Variants in DLG1 observed in about 807,000 individuals in gnomAD.
The protein encoded by DLG1 is disks large homolog 1.
DLG1 carries 42 observed loss-of-function variants against 123.4 expected under a neutral mutation model. The observed-to-expected ratio is 0.34, with a 90% CI of 0.27 to 0.44. DLG1 has a LOEUF of 0.44. DLG1 is among the 20% of genes least tolerant of loss of function. The pLI is 1.00. For missense variants in DLG1, 942 were observed against 1,082.6 expected, an observed-to-expected ratio of 0.87 and a Z score of 1.82; for synonymous variants, 317 against 356.2, an observed-to-expected ratio of 0.89 and a Z score of 1.24.
At chr3:197,185,570 C>T (rs1205498471) in intron 5 of DLG1, among the ~76,000 whole-genome samples, 2 of 152,038 alleles carry the variant, frequency 1.3e-5, no homozygotes, top group African/African-American at 4.8e-5. Context: ...ACTAAGAATC[C>T]TCTTGTGAAG....
chr3:197,121,823 C>CAG (rs1776544786), intron 11 of DLG1, among the ~76,000 whole-genome samples: 1 of 102,000 alleles, frequency 9.8e-6, no homozygotes, highest in Admixed American at 1.1e-4. Context: ...ACAATCACCA[C>CAG]AAAAAAAAAA....
At chr3:197,244,649 T>C (rs953030699) in intron 4 of DLG1, among the ~76,000 whole-genome samples, 3 of 151,954 alleles carry the variant, frequency 2.0e-5, no homozygotes, top group African/African-American at 7.3e-5. Flanking sequence ...CAATAGCGCA[T>C]GACTTTGAAG....
At chr3:197,218,505 G>C (rs538683231) in intron 4 of DLG1, among the ~76,000 whole-genome samples, 1 of 152,174 alleles carries the variant, frequency 6.6e-6, no homozygotes, top group African/African-American at 2.4e-5. Context: ...CTCTTGGACC[G>C]TAAGTCCAGG....
At position 197,141,919 on chromosome 3, in the gene DLG1, C is replaced by G. The variant is rs900670257; in HGVS notation, c.588+799G>C. ...ACGGAGTTTTGCCATGTTGGCCAGG[C>G]TGGTCTTGAACTTCTGGCCTCAAGT... On this transcript the variant is annotated intron_variant, in intron 7 of 24. Transcript: ENST00000667157. 5.3e-5 allele frequency among the ~76,000 whole-genome samples: 8 copies of G among 152,274 alleles called. 1 individual carries two copies. The highest frequency in any genetic ancestry group is 1.9e-4 in the African/African-American group (8 of 41,576).
At chr3:197,178,759 T>C (rs1561273674) in intron 5 of DLG1, among the ~76,000 whole-genome samples, 2 of 152,156 alleles carry the variant, frequency 1.3e-5, no homozygotes, top group Non-Finnish European at 2.9e-5. Context: ...GAGGGAGTAA[T>C]CAATTGTGTT....
chr3:197,178,215 T>C (rs901206461), intron 5 of DLG1, among the ~76,000 whole-genome samples: 3 of 152,190 alleles, frequency 2.0e-5, no homozygotes, highest in Non-Finnish European at 2.9e-5. Context: ...AGATGTCTAC[T>C]GCTGTAGTTC....
intron 14 of DLG1, among the ~76,000 whole-genome samples, chr3:197,091,372 A>G (rs1189328413): frequency 6.6e-6 from 1 of 151,894 alleles, no homozygotes; most frequent in African/African-American, 2.4e-5. Flanking sequence ...GATTTATTCT[A>G]ATTTTTATAT....
At chr3:197,161,679 G>T (rs1318439263) in intron 5 of DLG1, 2 of 1,575,498 alleles carry the variant, frequency 1.3e-6, no homozygotes, top group Admixed American at 1.9e-5. Flanking sequence ...TCTCAGCAGG[G>T]ACTGGCAGGA....
intron 3 of DLG1, among the ~76,000 whole-genome samples, chr3:197,286,597 T>A (rs1181445678): frequency 3.9e-5 from 6 of 152,108 alleles, no homozygotes; most frequent in Non-Finnish European, 8.8e-5. Flanking sequence ...ACGGCAATAG[T>A]GGATACGTGT....
intron 5 of DLG1, among the ~76,000 whole-genome samples, chr3:197,174,521 A>G (rs1466979853): frequency 1.3e-5 from 2 of 152,190 alleles, no homozygotes; most frequent in African/African-American, 4.8e-5. Flanking sequence ...TTAAAATGAT[A>G]TGATTTTTAT....
intron 1 of DLG1, 34 bp from the exon 2 acceptor site, chr3:197,297,269 G>T (rs778496656): frequency 3.1e-6 from 5 of 1,611,236 alleles, no homozygotes; most frequent in Non-Finnish European, 4.2e-6. Context: ...AAAAAGGATA[G>T]AATCATGTTA....
intron 23 of DLG1, among the ~76,000 whole-genome samples, chr3:197,052,847 CAACTT>C (rs1286235133): frequency 6.6e-6 from 1 of 152,120 alleles, no homozygotes. Flanking sequence ...ATAGGTTAAA[CAACTT>C]AACCAACTGC....
At chr3:197,293,724 C>G (rs370561116) in intron 3 of DLG1, among the ~76,000 whole-genome samples, 1 of 151,970 alleles carries the variant, frequency 6.6e-6, no homozygotes, top group Non-Finnish European at 1.5e-5. Flanking sequence ...TCCAAAGACA[C>G]TTGGCACCCC....
chr3:197,051,478 A>AT, intron 24 of DLG1, 99 bp downstream of exon 24: 1 of 859,564 alleles, frequency 1.2e-6, no homozygotes, highest in South Asian at 1.5e-5. Flanking sequence ...TACTACGGGT[A>AT]GATGTAGGCA....
At chr3:197,178,773 AG>A (rs1393365259) in intron 5 of DLG1, among the ~76,000 whole-genome samples, 3 of 152,216 alleles carry the variant, frequency 2.0e-5, no homozygotes, top group African/African-American at 7.2e-5. Flanking sequence ...TTGTGTTAAC[AG>A]TTGTTGTAGG....
intron 4 of DLG1, among the ~76,000 whole-genome samples, chr3:197,215,401 G>A (rs1044194549): frequency 1.3e-5 from 2 of 152,082 alleles, no homozygotes; most frequent in African/African-American, 4.8e-5. Flanking sequence ...GCAGATTTGA[G>A]ATCTCAATGT....
chr3:197,245,753 G>C lies in DLG1; in HGVS notation c.318+36926C>G, dbSNP rs572329176. ...GGAGTGAAGATGGGAATGGCAGTTG[G>C]GGGAGAAAGACAATGAGTTGGTGGA... is the stretch of plus-strand genomic sequence containing the variant. On this transcript the variant is annotated intron_variant, in intron 4 of 24. Coordinates refer to ENST00000667157, the MANE Select transcript of DLG1 (RefSeq NM_001366207.1). Among the ~76,000 whole-genome samples, 255 of 152,234 alleles carry C rather than the reference G, an allele frequency of 1.7e-3. 2 individuals carry two copies. Among genetic ancestry groups the C allele is most frequent in the Non-Finnish European group, 1.6e-3 (106 of 68,014 alleles).
At chr3:197,236,963 C>A (rs1656295472) in intron 4 of DLG1, among the ~76,000 whole-genome samples, 1 of 152,048 alleles carries the variant, frequency 6.6e-6, no homozygotes, top group Non-Finnish European at 1.5e-5. Flanking sequence ...GGAGAACAAA[C>A]AGGCAGTCAT....
intron 4 of DLG1, among the ~76,000 whole-genome samples, chr3:197,276,916 G>T (rs1170408814): frequency 1.3e-5 from 2 of 151,892 alleles, no homozygotes; most frequent in Non-Finnish European, 2.9e-5. Flanking sequence ...TTTGGAGACA[G>T]GGTCTCGCTC....
Sources: allele counts gnomAD v4.1 joint callset (sites outside exome capture counted in the v4.1 genomes callset), GRCh38; gene constraint gnomAD v4.1.1; transcripts MANE v1.5; gene names NCBI Gene and HGNC (gene_info 2026-07-23, HGNC 2026-07-21).